The following SORBS2 variants were observed in gnomAD, a reference collection of about 807,000 sequenced individuals.
SORBS2 encodes sorbin and SH3 domain containing 2, also known as sorbin and SH3 domain-containing protein 2.
In SORBS2, 46 loss-of-function variants were observed where a neutral mutation model predicts 97.7. That is an observed-to-expected ratio of 0.47 (90% CI 0.37 to 0.60). SORBS2 has a LOEUF of 0.60. SORBS2 is among the 20% of genes least tolerant of loss of function. The pLI is 0.00. For synonymous variants in SORBS2, 476 were observed against 473.4 expected, an observed-to-expected ratio of 1.01 and a Z score of -0.07; for missense variants, 1,316 against 1,282.3, an observed-to-expected ratio of 1.03 and a Z score of -0.40.
At chr4:185,629,798 T>C (rs1403099947) in intron 5 of SORBS2, among the ~76,000 whole-genome samples, 2 of 151,962 alleles carry the variant, frequency 1.3e-5, no homozygotes, top group Admixed American at 6.6e-5. Flanking sequence ...CTTGACCTCA[T>C]GATCTTCCCC....
chr4:185,879,165 T>TCCA (rs1554045423), intron 1 of SORBS2, among the ~76,000 whole-genome samples: 1 of 57,150 alleles, frequency 1.7e-5, no homozygotes, highest in Non-Finnish European at 3.4e-5. Context: ...ATGCTATCCC[T>TCCA]CCCCCCCCCC....
intron 1 of SORBS2, among the ~76,000 whole-genome samples, chr4:185,876,697 T>C (rs1579288978): frequency 6.6e-6 from 1 of 152,234 alleles, no homozygotes; most frequent in African/African-American, 2.4e-5. Context: ...ATGTGTCTTA[T>C]GTACCATAAT....
In SORBS2 at chr4:185,623,857, G is replaced by C; in HGVS notation, c.1272C>G (p.Ser424=). 1 of 1,614,148 alleles carries C rather than the reference G, an allele frequency of 6.2e-7. No homozygotes were observed. The highest frequency in any genetic ancestry group is 1.3e-5 in the African/African-American group (1 of 75,030). ...CATCCCCTAAATTTGGCATGGATTTGGACTTCTGGATCAGCTTTTCGAATT... is the reference window on the plus strand; with the variant it reads ...CATCCCCTAAATTTGGCATGGATTTCGACTTCTGGATCAGCTTTTCGAATT... Residue 424 remains serine, a synonymous_variant, in exon 7 of 15, where the codon TCC becomes TCG. Coordinates refer to ENST00000418609, the Ensembl canonical transcript of SORBS2. The surrounding 1 kb of genome is among the most constrained non-coding windows in gnomAD (Gnocchi z 6.4).
intron 2 of SORBS2, among the ~76,000 whole-genome samples, chr4:185,706,938 T>G (rs1583147016): frequency 1.3e-5 from 2 of 152,306 alleles, no homozygotes; most frequent in East Asian, 3.9e-4. Flanking sequence ...TGCTTCTAGA[T>G]TTTTGCTATA....
At chr4:185,734,691 G>T (rs2098671195) in intron 2 of SORBS2, among the ~76,000 whole-genome samples, 1 of 152,154 alleles carries the variant, frequency 6.6e-6, no homozygotes, top group South Asian at 2.1e-4. Flanking sequence ...ATGGGGAGAG[G>T]AGGGAGCTAG....
intron 1 of SORBS2, among the ~76,000 whole-genome samples, chr4:185,932,734 C>T (rs937022620): frequency 3.7e-5 from 5 of 133,936 alleles, no homozygotes; most frequent in African/African-American, 1.2e-4. Flanking sequence ...GATGAGCCCC[C>T]CTGGGGCTCG....
intron 1 of SORBS2, among the ~76,000 whole-genome samples, chr4:185,939,657 C>A (rs1328494036): frequency 1.3e-5 from 2 of 152,142 alleles, no homozygotes; most frequent in Non-Finnish European, 2.9e-5. Flanking sequence ...ATTACAGGCA[C>A]GTGCCACCAC....
intron 2 of SORBS2, among the ~76,000 whole-genome samples, chr4:185,758,698 C>G (rs1260840677): frequency 6.6e-6 from 1 of 152,206 alleles, no homozygotes; most frequent in Non-Finnish European, 1.5e-5. Context: ...GTGCAAAAGC[C>G]TCAACCTCTG....
intron 4 of SORBS2, among the ~76,000 whole-genome samples, chr4:185,644,635 A>G (rs1277894287): frequency 6.6e-6 from 1 of 152,160 alleles, no homozygotes; most frequent in Admixed American, 6.5e-5. Context: ...CTTCATCTGT[A>G]ACATGGAAAT....
At chr4:185,926,733 C>T (rs570700592) in intron 1 of SORBS2, among the ~76,000 whole-genome samples, 4 of 151,958 alleles carry the variant, frequency 2.6e-5, no homozygotes, top group African/African-American at 4.8e-5. Flanking sequence ...AGGAAACATG[C>T]GAGGTTAATT....
intron 2 of SORBS2, among the ~76,000 whole-genome samples, chr4:185,756,365 G>T (rs10024805): frequency 0.32 from 47,612 of 147,200 alleles, 7,795 homozygotes; most frequent in African/African-American, 0.39. Context: ...TTCCAAACAC[G>T]AAGGCAGTCA....
At chr4:185,951,560 T>C (rs770737677) in intron 1 of SORBS2, among the ~76,000 whole-genome samples, 3 of 152,214 alleles carry the variant, frequency 2.0e-5, no homozygotes, top group African/African-American at 4.8e-5. Flanking sequence ...CCTGCACTAA[T>C]AGATGACAGT....
At chr4:185,678,372 C>T in intron 4 of SORBS2, 51 bp downstream of exon 7, 2 of 1,468,106 alleles carry the variant, frequency 1.4e-6, no homozygotes, top group Non-Finnish European at 9.1e-7. Flanking sequence ...AAGCAGTGGT[C>T]TAATAATCAT....
At chr4:185,930,286 TTTTTGTTTTG>T (rs571706557) in intron 1 of SORBS2, among the ~76,000 whole-genome samples, 4 of 151,894 alleles carry the variant, frequency 2.6e-5, no homozygotes, top group South Asian at 4.2e-4. Flanking sequence ...GATAGAGGTT[TTTTTGTTTTG>T]TTTTGTTTTG....
intron 2 of SORBS2, among the ~76,000 whole-genome samples, chr4:185,767,216 T>C (rs970368077): frequency 6.6e-6 from 1 of 152,080 alleles, no homozygotes; most frequent in Non-Finnish European, 1.5e-5. Context: ...ATGAAAGAGC[T>C]GGCCGGGCGC....
rs34337257 is a variant in SORBS2, at chr4:185,938,389, TACACACACAC to T, written c.-338+17797_-338+17806del. On this transcript the variant is annotated intron_variant, in intron 1 of 20. Coordinates refer to the SORBS2 transcript ENST00000284776. ...TCTCACCCAGAAAAATGTAGACACA[TACACACACAC>T]ACACACACACACACACACACACACA... 1.8e-3 allele frequency among the ~76,000 whole-genome samples: 245 copies of T among 136,512 alleles called. 1 individual carries two copies. Among genetic ancestry groups the T allele is most frequent in the African/African-American group, 5.7e-3 (206 of 36,154 alleles). The allele number at this position is 136,512 out of a possible 152,430, so 89.6% of individuals were successfully genotyped here.
At chr4:185,627,210 A>G (rs2096829595) in intron 5 of SORBS2, among the ~76,000 whole-genome samples, 191 bp from the exon 18 acceptor site, 2 of 151,852 alleles carry the variant, frequency 1.3e-5, no homozygotes, top group Non-Finnish European at 2.9e-5. Context: ...AAATGAATAG[A>G]CCTTATTATT....
intron 1 of SORBS2, among the ~76,000 whole-genome samples, chr4:185,894,915 C>T (rs2099244270): frequency 6.6e-6 from 1 of 152,188 alleles, no homozygotes; most frequent in Non-Finnish European, 1.5e-5. Context: ...CATGATCACA[C>T]GGGGAGCCAG....
Position 185,623,599 on chromosome 4 carries a change from G to C in SORBS2, c.1530C>G (p.Asp510Glu). 2 of 1,614,142 alleles carry C rather than the reference G, an allele frequency of 1.2e-6. No homozygotes were observed. The highest frequency in any genetic ancestry group is 1.7e-6 in the Non-Finnish European group (2 of 1,180,038). The change falls in exon 7 of 15, where the codon GAC becomes GAG. Residue 510 changes from aspartate to glutamate, a missense_variant. Asp to Glu is a conservative substitution (Grantham distance 45, BLOSUM62 2). Coordinates refer to ENST00000418609, the Ensembl canonical transcript of SORBS2. This position sits in a 1 kb window ranked among gnomAD's most constrained non-coding sequence, Gnocchi z 6.4. ...CCTCTAGGTGAATGTAGTCACTGTG[G>C]TCGGACACAACCCCGTCCTGGTCGC...
Sources: allele counts gnomAD v4.1 joint callset (sites outside exome capture counted in the v4.1 genomes callset), GRCh38; gene constraint gnomAD v4.1.1; non-coding constraint Gnocchi (gnomAD v3.1); transcripts MANE v1.5; gene names NCBI Gene and HGNC (gene_info 2026-07-23, HGNC 2026-07-21).